AFDN: variants seen among roughly 807,000 people sequenced by gnomAD.
AFDN encodes afadin.
A neutral mutation model predicts 216.6 loss-of-function variants in AFDN; 68 were observed. The ratio of observed to expected loss-of-function variants is 0.31; its 90% confidence interval spans 0.26 to 0.38. The LOEUF (loss-of-function observed/expected upper bound fraction) is 0.38. Among genes scored for constraint, AFDN ranks in the 10% least tolerant of loss-of-function variants. AFDN has a pLI of 1.00. For synonymous variants in AFDN, 868 were observed against 853.7 expected, an observed-to-expected ratio of 1.02 and a Z score of -0.29; for missense variants, 2,136 against 2,342.0, an observed-to-expected ratio of 0.91 and a Z score of 1.82.
intron 1 of AFDN, among the ~76,000 whole-genome samples, chr6:167,853,126 G>GAAAAAC (rs1442693784): frequency 1.1e-4 from 16 of 152,008 alleles, no homozygotes; most frequent in African/African-American, 3.6e-4. Flanking sequence ...AAACTAGGAG[G>GAAAAAC]TATTTATATT....
At chr6:167,833,359 C>G (rs1225519574) in intron 1 of AFDN, among the ~76,000 whole-genome samples, 3 of 152,164 alleles carry the variant, frequency 2.0e-5, no homozygotes, top group Non-Finnish European at 2.9e-5. Flanking sequence ...GTTGACCCAA[C>G]ATTATGATCC....
At chr6:167,898,521 C>A in intron 11 of AFDN, 54 bp downstream of exon 11, 1 of 1,496,222 alleles carries the variant, frequency 6.7e-7, no homozygotes, top group South Asian at 1.3e-5. Flanking sequence ...TAAAGTAGTT[C>A]AGATTATTCA....
In AFDN at chr6:167,955,290, C is replaced by G. The variant is rs116321430; in HGVS notation, c.4833+3103C>G. 4.7e-3 allele frequency among the ~76,000 whole-genome samples: 582 copies of G among 123,252 alleles called. 2 individuals are homozygous for G. Among genetic ancestry groups the G allele is most frequent in the African/African-American group, 0.015 (547 of 36,642 alleles). 80.9% of individuals were successfully genotyped at this position (123,252 alleles called of 152,430 possible). ...GGCCTTTTCACCAAATAATAGTCCC[C>G]TTTTCCTTCCCCCCTCAGTTTAGCA... On this transcript the variant is annotated intron_variant, in intron 30 of 33. Transcript: ENST00000683244.
intron 30 of AFDN, among the ~76,000 whole-genome samples, chr6:167,961,668 C>T (rs1797050398): frequency 6.6e-6 from 1 of 152,152 alleles, no homozygotes; most frequent in Non-Finnish European, 1.5e-5. Context: ...GAATTGTTAA[C>T]ATAAGAACTT....
chr6:167,952,860 T>C (rs1796145241), intron 30 of AFDN, among the ~76,000 whole-genome samples: 1 of 152,226 alleles, frequency 6.6e-6, no homozygotes, highest in Non-Finnish European at 1.5e-5. Flanking sequence ...TATATTCCAA[T>C]TGTAGCATAA....
At position 167,867,503 on chromosome 6, in the gene AFDN, C is replaced by G. The variant is rs1201125907; in HGVS notation, c.301+2757C>G. On this transcript the variant is annotated intron_variant, in intron 2 of 33. Transcript: ENST00000683244. ...GGAGTGCAGCGGCATGATCTTGGCTCACGGCAACCTCCGCCTCCCGGGTTC... is the reference window on the plus strand; with the variant it reads ...GGAGTGCAGCGGCATGATCTTGGCTGACGGCAACCTCCGCCTCCCGGGTTC... Among the ~76,000 whole-genome samples, 12 of 148,940 alleles carry G rather than the reference C, an allele frequency of 8.1e-5. No individual in the cohort carries two copies. In the Admixed American group the frequency reaches 8.1e-4, roughly 10 times the overall value.
At position 167,827,216 on chromosome 6, in the gene AFDN, C is replaced by G; in HGVS notation, c.84C>G (p.Phe28Leu). 1 of 1,238,186 alleles carries G rather than the reference C, an allele frequency of 8.1e-7. No individual in the cohort carries two copies. The highest frequency in any genetic ancestry group is 1.0e-6 in the Non-Finnish European group (1 of 958,200). The allele number at this position is 1,238,186 out of a possible 1,614,324, so 76.7% of individuals were successfully genotyped here. A position where few individuals can be genotyped will look rare whatever the true frequency, so the allele number is the denominator to read the frequency against. Residue 28 changes from phenylalanine to leucine, a missense_variant, in exon 1 of 34, where the codon TTC becomes TTG. Transcript: ENST00000683244. ...HHWNANRLDL[F>L]EISQPTEDLE... ...GGAACGCCAACCGGCTGGACCTGTT[C>G]GAGATCAGCCAGCCGACCGAGGTGA...
At chr6:167,849,366 A>G (rs1782048301) in intron 1 of AFDN, among the ~76,000 whole-genome samples, 1 of 152,090 alleles carries the variant, frequency 6.6e-6, no homozygotes. Context: ...TGTATGTTCT[A>G]GGTTGACTCT....
At chr6:167,827,306 G>A in intron 1 of AFDN, 69 bp downstream of exon 1, 1 of 484,570 alleles carries the variant, frequency 2.1e-6, no homozygotes, top group Non-Finnish European at 2.4e-6. Context: ...CCTCCCCCCC[G>A]CCGCCGCCCG....
chr6:167,901,827 C>T (rs1435571481), intron 11 of AFDN, among the ~76,000 whole-genome samples: 2 of 151,864 alleles, frequency 1.3e-5, no homozygotes, highest in African/African-American at 2.4e-5. Flanking sequence ...CGTGGTGGCT[C>T]ATGCCTGTAA....
At chr6:167,929,013 C>A (rs577515561) in intron 23 of AFDN, among the ~76,000 whole-genome samples, 1 of 152,174 alleles carries the variant, frequency 6.6e-6, no homozygotes, top group African/African-American at 2.4e-5. Flanking sequence ...CAGTGTAGTA[C>A]AATTACTGGC....
At chr6:167,827,617 T>G (rs1253390670) in intron 1 of AFDN, 1 of 149,514 alleles carries the variant, frequency 6.7e-6, no homozygotes, top group Non-Finnish European at 1.5e-5. Flanking sequence ...GCCGGCGCCC[T>G]CCACCTGCAG....
chr6:167,905,863 T>C (rs1279520928), intron 12 of AFDN, among the ~76,000 whole-genome samples: 1 of 152,182 alleles, frequency 6.6e-6, no homozygotes, highest in East Asian at 1.9e-4. Context: ...CCCAACACTT[T>C]GGGAGGCCGA....
At position 167,937,926 on chromosome 6, in the gene AFDN, C is replaced by A. The variant is rs7751150; in HGVS notation, c.3100-5203C>A. ...GAAATTGGCCAAATTCCTTATCGAT[C>A]AATGTTGGTAAACTATAAGTCAACC... On this transcript the variant is annotated intron_variant, in intron 23 of 33. Coordinates refer to ENST00000683244, the MANE Select transcript of AFDN (RefSeq NM_001386888.1). 7.0e-3 allele frequency among the ~76,000 whole-genome samples: 1,065 copies of A among 152,300 alleles called. 15 individuals carry two copies. The highest frequency in any genetic ancestry group is 0.024 in the African/African-American group (1,013 of 41,564).
Position 167,907,183 on chromosome 6 carries a change from C to T in AFDN, c.1663C>T (p.Leu555=). 1.2e-6 allele frequency: 2 copies of T among 1,614,032 alleles called. No individual in the cohort carries two copies. Among genetic ancestry groups the T allele is most frequent in the African/African-American group, 1.3e-5 (1 of 75,050 alleles). ...TCTCTCCATGTAGAGCACCACTAGG[C>T]TGGACAGCGACAGAGTGTCGTCTGC... ...ALPTSKSTTR[L]DSDRVSSASS... is the part of the protein sequence containing the mutation. Residue 555 remains leucine (L), a synonymous_variant, in exon 13 of 34, where the codon CTG becomes TTG. Transcript: ENST00000683244.
At chr6:167,888,000 G>A (rs1317369359) in intron 6 of AFDN, among the ~76,000 whole-genome samples, 1 of 152,124 alleles carries the variant, frequency 6.6e-6, no homozygotes, top group Non-Finnish European at 1.5e-5. Context: ...AGGATGAGTG[G>A]ATGTTATTAG....
At chr6:167,947,965 A>G in intron 28 of AFDN, 21 bp downstream of exon 28, 1 of 1,560,224 alleles carries the variant, frequency 6.4e-7, no homozygotes, top group Non-Finnish European at 8.8e-7. Context: ...TTGATAAGCA[A>G]AAGGCTTCTA....
At chr6:167,849,317 G>T (rs141473867) in intron 1 of AFDN, among the ~76,000 whole-genome samples, 79 of 152,172 alleles carry the variant, frequency 5.2e-4, no homozygotes, top group Admixed American at 5.0e-3. Flanking sequence ...TAACTTGTGG[G>T]GGGGGAGAGA....
chr6:167,872,860 A>G (rs1016437411), intron 4 of AFDN, among the ~76,000 whole-genome samples: 26 of 152,166 alleles, frequency 1.7e-4, no homozygotes, highest in African/African-American at 6.0e-4. Context: ...TTGTCACACC[A>G]GTTCCATTGT....
Sources: gnomAD v4.1 joint callset for allele counts (sites outside exome capture counted in the v4.1 genomes callset) on GRCh38, gnomAD v4.1.1 for gene constraint, MANE v1.5 for transcripts, NCBI Gene and HGNC (gene_info 2026-07-23, HGNC 2026-07-21) for gene names.